GPI: variants seen among roughly 807,000 people sequenced by gnomAD.
GPI encodes D-hexose-6-phosphate anomerase.
A neutral mutation model predicts 75.8 loss-of-function variants in GPI; 56 were observed. That is an observed-to-expected ratio of 0.74 (90% CI 0.60 to 0.92). The LOEUF (loss-of-function observed/expected upper bound fraction) is 0.92, where lower values mean the gene tolerates loss of function less well. Among genes scored for constraint, GPI ranks in the 40% least tolerant of loss-of-function variants. GPI has a pLI of 0.00. For synonymous variants in GPI, 288 were observed against 285.4 expected (o/e 1.01, Z -0.09); for missense variants, 638 against 741.0 (o/e 0.86, Z 1.61).
At chr19:34,367,539 G>A (rs1001159981) in intron 3 of GPI, among the ~76,000 whole-genome samples, 7 of 152,182 alleles carry the variant, frequency 4.6e-5, no homozygotes, top group African/African-American at 1.7e-4. Context: ...GCAGGAGTGG[G>A]GTCTGGCAGG....
At chr19:34,362,272 C>G (rs2074305590), upstream of GPI, among the ~76,000 whole-genome samples, 1 of 151,888 alleles carries the variant, frequency 6.6e-6, no homozygotes, top group Admixed American at 6.6e-5. Flanking sequence ...CCATTGCACT[C>G]TAGCCTGGGC....
chr19:34,379,990 G>GTTTTTTT (rs953154032), intron 8 of GPI: 3 of 102,560 alleles, frequency 2.9e-5, no homozygotes, highest in African/African-American at 9.4e-5. Context: ...GTGTGGTTTT[G>GTTTTTTT]TTTTTTTTTT....
chr19:34,365,560 G>A, intron 1 of GPI, 172 bp downstream of exon 1: 1 of 1,120,700 alleles, frequency 8.9e-7, no homozygotes. Context: ...TCTCCTTGGA[G>A]TGCGTTCCTG....
At chr19:34,388,203 G>A (rs1254377047) in intron 9 of GPI, among the ~76,000 whole-genome samples, 1 of 152,302 alleles carries the variant, frequency 6.6e-6, no homozygotes, top group East Asian at 1.9e-4. Flanking sequence ...GTTGCCAGGC[G>A]CAGTGGCTCA....
intron 9 of GPI, among the ~76,000 whole-genome samples, chr19:34,387,933 G>A (rs1389163654): frequency 1.3e-5 from 2 of 152,208 alleles, no homozygotes; most frequent in African/African-American, 2.4e-5. Context: ...ACACAATTAG[G>A]TGAGTAGTGT....
At chr19:34,362,971 A>C (rs944161047), upstream of GPI, among the ~76,000 whole-genome samples, 2 of 152,198 alleles carry the variant, frequency 1.3e-5, no homozygotes, top group Non-Finnish European at 2.9e-5. Context: ...TCTGGTCACC[A>C]AAATAACCTA....
chr19:34,395,094 A>C (rs983359875), intron 12 of GPI, among the ~76,000 whole-genome samples: 10 of 152,290 alleles, frequency 6.6e-5, no homozygotes, highest in African/African-American at 2.4e-4. Context: ...AGAAGGCTTC[A>C]CCAACACCTG....
intron 14 of GPI, among the ~76,000 whole-genome samples, chr19:34,397,003 G>T (rs778291074): frequency 3.3e-5 from 5 of 152,138 alleles, no homozygotes; most frequent in South Asian, 2.1e-4. Context: ...TAAAGGGGGG[G>T]TTTCACTATG....
At chr19:34,392,190 GAGGTTGGATCTGGCCCCCT>G (rs2074859551) in intron 9 of GPI, 49 of 20,698 alleles carry the variant, frequency 2.4e-3, no homozygotes, top group Non-Finnish European at 3.8e-3. Context: ...AATTTCTGAG[GAGGTTGGATCTGGCCCCCT>G]TATGAGGATC....
At chr19:34,362,509 T>C (rs988095433), upstream of GPI, among the ~76,000 whole-genome samples, 1 of 152,124 alleles carries the variant, frequency 6.6e-6, no homozygotes, top group Non-Finnish European at 1.5e-5. Context: ...CAAAGCTGTT[T>C]CTAGGGTTCC....
Position 34,396,661 on chromosome 19 carries a change from A to C in GPI, c.1269+4A>C. 6.2e-7 allele frequency: 1 copy of C among 1,613,640 alleles called. No homozygotes were observed. The highest frequency in any genetic ancestry group is 8.5e-7 in the Non-Finnish European group (1 of 1,179,596). ...ACGGAAGGGTCTGCATCACAAGGTAAGAGCCCCCATCTGGCCCCATCTGGG... is the reference window on the plus strand; with the variant it reads ...ACGGAAGGGTCTGCATCACAAGGTACGAGCCCCCATCTGGCCCCATCTGGG... On this transcript the variant is annotated splice_donor_region_variant and intron_variant, in intron 14 of 17. Transcript: ENST00000356487.
chr19:34,396,670 A>C lies in GPI; in HGVS notation c.1269+13A>C. The C allele has an allele frequency of 6.2e-7, 1 of 1,608,692 alleles. No homozygotes were observed. Among genetic ancestry groups the C allele is most frequent in the South Asian group, 1.1e-5 (1 of 90,806 alleles). On this transcript the variant is annotated intron_variant, in intron 14 of 17. Coordinates refer to ENST00000356487, the MANE Select transcript of GPI (RefSeq NM_000175.5). Reference sequence around the variant, plus strand: ...TCTGCATCACAAGGTAAGAGCCCCCATCTGGCCCCATCTGGGGGGTCTGGC... The same window carrying C: ...TCTGCATCACAAGGTAAGAGCCCCCCTCTGGCCCCATCTGGGGGGTCTGGC...
intron 4 of GPI, 129 bp downstream of exon 4, chr19:34,368,831 A>T: frequency 9.5e-7 from 1 of 1,056,752 alleles, no homozygotes; most frequent in Non-Finnish European, 1.4e-6. Context: ...AGCTTAAGGG[A>T]GGGGTTGCCT....
intron 4 of GPI, among the ~76,000 whole-genome samples, chr19:34,372,113 T>G (rs1301289470): frequency 2.6e-5 from 4 of 151,656 alleles, no homozygotes; most frequent in African/African-American, 9.7e-5. Flanking sequence ...GTATTTTTAG[T>G]AGAGATGAGG....
chr19:34,366,089 C>A (rs1317920130), intron 1 of GPI: 4 of 679,908 alleles, frequency 5.9e-6, no homozygotes, highest in South Asian at 3.0e-5. Context: ...GGTGGTCCCC[C>A]ACTTCAGTCC....
At chr19:34,379,985 GTTTTGTTTTTTTT>G (rs958117730) in intron 8 of GPI, 4 of 127,944 alleles carry the variant, frequency 3.1e-5, no homozygotes, top group East Asian at 2.9e-4. Flanking sequence ...AGTGTGTGTG[GTTTTGTTTTTTTT>G]TTTTTTTTTT....
At chr19:34,365,575 C>T in intron 1 of GPI, 187 bp downstream of exon 1, 1 of 999,116 alleles carries the variant, frequency 1.0e-6, no homozygotes, top group Non-Finnish European at 1.5e-6. Flanking sequence ...TTCCTGGGGG[C>T]TTGCAGCCTC....
At chr19:34,366,653 G>A in intron 2 of GPI, 130 bp from the exon 3 acceptor site, 1 of 780,146 alleles carries the variant, frequency 1.3e-6, no homozygotes, top group South Asian at 1.4e-5. Flanking sequence ...TTCCCAGACA[G>A]CAGGGGAGGG....
chr19:34,399,070 C>G, intron 14 of GPI, 137 bp from the exon 15 acceptor site: 1 of 685,426 alleles, frequency 1.5e-6, no homozygotes, highest in Non-Finnish European at 2.4e-6. Flanking sequence ...TCGGATGTGT[C>G]CCCCTCGCTC....
Sources: allele counts gnomAD v4.1 joint callset (sites outside exome capture counted in the v4.1 genomes callset), GRCh38; gene constraint gnomAD v4.1.1; transcripts MANE v1.5; gene names NCBI Gene and HGNC (gene_info 2026-07-23, HGNC 2026-07-21).